The following PCDH11Y variants were observed in gnomAD, a reference collection of about 807,000 sequenced individuals.
PCDH11Y encodes the protein protocadherin 11 Y-linked, also known as protocadherin-11 Y-linked.
For synonymous variants in PCDH11Y, 9 were observed against 83.6 expected (o/e 0.11, Z 4.87); for missense variants, 12 against 224.8 (o/e 0.05, Z 6.05).
intron 3 of PCDH11Y, among the ~76,000 whole-genome samples, chrY:5,050,151 G>A (rs2124626791): frequency 3.0e-5 from 1 of 33,251 alleles, no homozygotes; most frequent in South Asian, 6.7e-4. Flanking sequence ...TTTCCTTAGC[G>A]TTCTAAGATG....
chrY:5,688,980 A>G, intron 4 of PCDH11Y, among the ~76,000 whole-genome samples: 1 of 31,016 alleles, frequency 3.2e-5, no homozygotes, highest in Non-Finnish European at 7.7e-5. Flanking sequence ...TGGGCAGATC[A>G]GGAGGTCAGG....
intron 2 of PCDH11Y, among the ~76,000 whole-genome samples, chrY:5,214,956 T>A: frequency 3.1e-5 from 1 of 31,896 alleles, no homozygotes. Flanking sequence ...TTGGGAGATT[T>A]TTATGATGGC....
intron 2 of PCDH11Y, among the ~76,000 whole-genome samples, chrY:5,437,348 A>C: frequency 3.0e-5 from 1 of 33,034 alleles, no homozygotes; most frequent in Non-Finnish European, 7.5e-5. Context: ...CTTATATAGA[A>C]TCAATTAAAA....
At chrY:5,543,431 A>T in intron 3 of PCDH11Y, among the ~76,000 whole-genome samples, 1 of 34,631 alleles carries the variant, frequency 2.9e-5, no homozygotes, top group African/African-American at 1.1e-4. Flanking sequence ...AATACTATGC[A>T]ATTTCCCATG....
chrY:5,057,605 C>A, intron 1 of PCDH11Y, 146 bp downstream of exon 2: 2 of 202,012 alleles, frequency 9.9e-6, no homozygotes, highest in Admixed American at 2.5e-4. Context: ...GGAGAAAATT[C>A]ATCAATGCAG....
intron 4 of PCDH11Y, among the ~76,000 whole-genome samples, chrY:5,626,400 A>T (rs2053507282): frequency 3.1e-5 from 1 of 32,309 alleles, no homozygotes; most frequent in East Asian, 8.2e-4. Flanking sequence ...TCTCAAATTC[A>T]TTCAGTTCAT....
intron 2 of PCDH11Y, among the ~76,000 whole-genome samples, chrY:5,190,006 T>C (rs2052910417): frequency 6.0e-5 from 2 of 33,410 alleles, no homozygotes; most frequent in South Asian, 1.3e-3. Context: ...ACACTGTGTA[T>C]CACACAATGT....
chrY:5,627,494 T>C, intron 4 of PCDH11Y, among the ~76,000 whole-genome samples: 1 of 29,122 alleles, frequency 3.4e-5, no homozygotes. Flanking sequence ...CTCTGCCTCC[T>C]GGGTTCAAGT....
chrY:5,286,739 T>G, intron 2 of PCDH11Y, among the ~76,000 whole-genome samples: 1 of 32,876 alleles, frequency 3.0e-5, no homozygotes. Context: ...GGACATGATT[T>G]TTGTATTATG....
At chrY:5,100,992 C>T in exon 2 of PCDH11Y, 1 of 315,623 alleles carries the variant, frequency 3.2e-6, no homozygotes. Context: ...TTGAAAAAAA[C>T]TTCAACACAA....
chrY:5,086,616 T>A, intron 1 of PCDH11Y, among the ~76,000 whole-genome samples: 1 of 30,004 alleles, frequency 3.3e-5, no homozygotes, highest in Non-Finnish European at 7.9e-5. Flanking sequence ...AAGCTGTATG[T>A]GCTTTAGGGT....
downstream of PCDH11Y, among the ~76,000 whole-genome samples, chrY:5,103,448 TTA>T (rs2052782808): frequency 3.2e-5 from 1 of 31,624 alleles, no homozygotes; most frequent in African/African-American, 1.2e-4. Context: ...ATCTGAAATT[TTA>T]TGTTTTATAA....
chrY:5,103,116 A>G, downstream of PCDH11Y, among the ~76,000 whole-genome samples: 1 of 33,526 alleles, frequency 3.0e-5, no homozygotes, highest in Admixed American at 2.8e-4. Context: ...CTAGCAAAAT[A>G]ACTGAGCACT....
At chrY:5,386,413 G>A (rs2124675378) in intron 2 of PCDH11Y, among the ~76,000 whole-genome samples, 13 of 32,473 alleles carry the variant, frequency 4.0e-4, no homozygotes, top group South Asian at 3.5e-3. Flanking sequence ...TAGCAAGGCC[G>A]GGGAAGTTTT....
intron 2 of PCDH11Y, among the ~76,000 whole-genome samples, chrY:5,391,857 A>G: frequency 3.0e-5 from 1 of 33,483 alleles, no homozygotes; most frequent in South Asian, 6.6e-4. Flanking sequence ...CCTTATTATG[A>G]ACATTAAAAT....
intron 1 of PCDH11Y, among the ~76,000 whole-genome samples, chrY:5,068,944 T>C: frequency 3.1e-5 from 1 of 32,611 alleles, no homozygotes; most frequent in African/African-American, 1.2e-4. Context: ...ATTCCTTCTT[T>C]TCCATTTTAC....
chrY:5,544,216 A>T, intron 3 of PCDH11Y, among the ~76,000 whole-genome samples: 20 of 32,924 alleles, frequency 6.1e-4, no homozygotes, highest in Non-Finnish European at 1.2e-3. Flanking sequence ...GCTTACCTCA[A>T]CTTTACTATA....
chrY:5,443,072 G>A, intron 2 of PCDH11Y, among the ~76,000 whole-genome samples: 4 of 32,988 alleles, frequency 1.2e-4, no homozygotes, highest in Admixed American at 8.3e-4. Context: ...CCTTGAAACT[G>A]GAATTAGACT....
intron 2 of PCDH11Y, among the ~76,000 whole-genome samples, chrY:5,402,001 A>G (rs2053234247): frequency 3.0e-5 from 1 of 33,507 alleles, no homozygotes; most frequent in South Asian, 6.8e-4. Context: ...AGCTAATTCT[A>G]CTAAAATAGA....
Sources: gnomAD v4.1 joint callset for allele counts (sites outside exome capture counted in the v4.1 genomes callset) on GRCh38, gnomAD v4.1.1 for gene constraint, MANE v1.5 for transcripts, NCBI Gene and HGNC (gene_info 2026-07-23, HGNC 2026-07-21) for gene names.